Variants in TOM1L1 observed in about 807,000 individuals in gnomAD.
TOM1L1 encodes the protein target of myb1 like 1 membrane trafficking protein.
TOM1L1 carries 64 observed loss-of-function variants against 63.4 expected under a neutral mutation model. The observed-to-expected ratio is 1.01, with a 90% confidence interval of 0.83 to 1.24. The LOEUF (loss-of-function observed/expected upper bound fraction) is 1.24. TOM1L1 is among the 50% of genes most tolerant of loss of function. The probability of loss-of-function intolerance (pLI) is 0.00; values close to 1 mark genes in which losing one functional copy is unlikely to be tolerated. For missense variants in TOM1L1, 536 were observed against 567.0 expected (o/e 0.95, Z 0.55); for synonymous variants, 166 against 194.4 (o/e 0.85, Z 1.22).
intron 4 of TOM1L1, 23 bp from the exon 5 acceptor site, chr17:54,913,725 C>G: frequency 6.7e-7 from 1 of 1,500,536 alleles, no homozygotes; most frequent in Non-Finnish European, 9.0e-7. Flanking sequence ...AACTCTGGAA[C>G]TTTTTTCATC....
intron 14 of TOM1L1, 22 bp from the exon 15 acceptor site, chr17:54,960,544 T>C: frequency 6.2e-7 from 1 of 1,606,120 alleles, no homozygotes; most frequent in Non-Finnish European, 8.5e-7. Flanking sequence ...ATAACCCTTT[T>C]GCTGTGATGG....
At chr17:54,911,851 A>T (rs550420078) in intron 3 of TOM1L1, among the ~76,000 whole-genome samples, 2 of 152,234 alleles carry the variant, frequency 1.3e-5, no homozygotes, top group East Asian at 3.9e-4. Context: ...TACAGGTGTG[A>T]TGGTGACAAA....
At chr17:54,943,865 C>G (rs1197151749) in intron 11 of TOM1L1, among the ~76,000 whole-genome samples, 9 of 151,876 alleles carry the variant, frequency 5.9e-5, no homozygotes, top group Non-Finnish European at 1.3e-4. Flanking sequence ...GTAATCCCAG[C>G]TACTCAGAGA....
At chr17:54,914,004 A>G in intron 5 of TOM1L1, 131 bp downstream of exon 5, 1 of 990,240 alleles carries the variant, frequency 1.0e-6, no homozygotes, top group Non-Finnish European at 1.4e-6. Flanking sequence ...ATATTGCAAT[A>G]TCTCATAGAA....
chr17:54,914,002 A>C, intron 5 of TOM1L1, 129 bp downstream of exon 5: 2 of 1,075,420 alleles, frequency 1.9e-6, no homozygotes, highest in Non-Finnish European at 2.5e-6. Context: ...GGATATTGCA[A>C]TATCTCATAG....
At chr17:54,943,999 C>CATAA (rs1302281547) in intron 11 of TOM1L1, among the ~76,000 whole-genome samples, 3 of 137,072 alleles carry the variant, frequency 2.2e-5, no homozygotes, top group African/African-American at 5.6e-5. Flanking sequence ...TAAATAAATA[C>CATAA]ATAAATAAAT....
chr17:54,949,478 T>C (rs1298895641), intron 12 of TOM1L1, 40 bp from the exon 13 acceptor site: 4 of 1,476,066 alleles, frequency 2.7e-6, no homozygotes, highest in Admixed American at 1.7e-5. Flanking sequence ...AAAAGCTTAA[T>C]GTAGAACGTT....
chr17:54,901,491 G>A lies in TOM1L1; in HGVS notation c.58+568G>A, dbSNP rs117194750. Among the ~76,000 whole-genome samples, 1,363 of 152,214 alleles carry A rather than the reference G, an allele frequency of 9.0e-3. 12 individuals carry two copies. The highest frequency in any genetic ancestry group is 0.025 in the East Asian group (131 of 5,160). On this transcript the variant is annotated intron_variant, in intron 1 of 15. Coordinates refer to ENST00000575882, the MANE Select transcript of TOM1L1 (RefSeq NM_005486.3). ...GAGGGGAACATAGGAGCCATCTGGG[G>A]CCACGGAGGTCTCTCGCAGGCCACT...
In TOM1L1 at chr17:54,936,666, A is replaced by G. The variant is rs771626423; in HGVS notation, c.872A>G (p.Gln291Arg). Residue 291 changes from glutamine to arginine, a missense_variant, in exon 9 of 16, where the codon CAA becomes CGA. Gln to Arg is a conservative substitution (Grantham distance 43, BLOSUM62 1). Transcript: ENST00000575882. ...TTAAACAGGTTTACTAGAAACCAAC[A>G]AAGGATTTTGGAGCAAAATAAGAAC... Reference protein sequence around the residue: ...LGYERFTRNQQRILEQNKNQK... With the variant: ...LGYERFTRNQRRILEQNKNQK... 1.2e-6 allele frequency: 2 copies of G among 1,607,510 alleles called. No homozygotes were observed. The highest frequency in any genetic ancestry group is 1.7e-5 in the Admixed American group (1 of 57,940).
chr17:54,927,117 C>G (rs2048781871), intron 7 of TOM1L1, among the ~76,000 whole-genome samples: 2 of 152,146 alleles, frequency 1.3e-5, no homozygotes, highest in Non-Finnish European at 2.9e-5. Flanking sequence ...AGGAAAGAGA[C>G]TATATGAGCA....
chr17:54,931,980 T>G lies in TOM1L1; in HGVS notation c.854+1774T>G, dbSNP rs193072738. On this transcript the variant is annotated intron_variant, in intron 8 of 15. Coordinates refer to ENST00000575882, the MANE Select transcript of TOM1L1 (RefSeq NM_005486.3). The stretch of plus-strand genomic sequence containing the variant: ...TTTTTGTTTGTTTGTTTGTTTGTTT[T>G]TTTGAGATGGAGTGCTTAGGCTGGA... Among the ~76,000 whole-genome samples, 464 of 145,268 alleles carry G rather than the reference T, an allele frequency of 3.2e-3. 5 individuals are homozygous for G. The highest frequency in any genetic ancestry group is 0.011 in the African/African-American group (426 of 39,488).
chr17:54,960,697 AT>A, intron 15 of TOM1L1, 70 bp downstream of exon 15: 1 of 1,225,736 alleles, frequency 8.2e-7, no homozygotes, highest in Non-Finnish European at 1.2e-6. Context: ...CACTTTACAT[AT>A]TTAGTATTTA....
At chr17:54,915,651 C>A in intron 6 of TOM1L1, 95 bp from the exon 7 acceptor site, 2 of 806,392 alleles carry the variant, frequency 2.5e-6, no homozygotes, top group Non-Finnish European at 3.7e-6. Flanking sequence ...TTTGCAAAAG[C>A]ATTTTTTCAT....
intron 3 of TOM1L1, among the ~76,000 whole-genome samples, chr17:54,908,480 T>C (rs957511457): frequency 4.6e-5 from 7 of 152,240 alleles, no homozygotes; most frequent in Admixed American, 2.0e-4. Context: ...AGTTTACCAG[T>C]AAACTCTTTA....
intron 15 of TOM1L1, 133 bp downstream of exon 15, chr17:54,960,760 A>G: frequency 1.5e-6 from 1 of 669,494 alleles, no homozygotes; most frequent in East Asian, 2.7e-5. Flanking sequence ...AGTTCCCCTG[A>G]ATCATTCAAA....
At chr17:54,941,361 A>G (rs1161870312) in intron 11 of TOM1L1, among the ~76,000 whole-genome samples, 1 of 152,208 alleles carries the variant, frequency 6.6e-6, no homozygotes, top group Non-Finnish European at 1.5e-5. Flanking sequence ...GGAAGAAAAA[A>G]GAGCAAAATA....
At chr17:54,920,435 A>G (rs996736735) in intron 7 of TOM1L1, among the ~76,000 whole-genome samples, 7 of 152,216 alleles carry the variant, frequency 4.6e-5, no homozygotes, top group African/African-American at 1.7e-4. Flanking sequence ...GACAGAAGAA[A>G]TATGAAAATA....
Position 54,903,694 on chromosome 17 carries a change from C to CT in TOM1L1, c.59-9dup, listed in dbSNP as rs2048363493. On this transcript the variant is annotated splice_polypyrimidine_tract_variant and intron_variant, in intron 1 of 15. Coordinates refer to ENST00000575882, the MANE Select transcript of TOM1L1 (RefSeq NM_005486.3). ...TTCTGTTGTAGCTCAGACTCAACAGCTTTTTCTTGGCAGAAAAGGCTACAT... is the reference window on the plus strand; with the variant it reads ...TTCTGTTGTAGCTCAGACTCAACAGCTTTTTTCTTGGCAGAAAAGGCTACAT... 1.9e-6 allele frequency: 3 copies of CT among 1,612,962 alleles called. No homozygotes were observed. Among genetic ancestry groups the CT allele is most frequent in the Admixed American group, 1.7e-5 (1 of 60,006 alleles).
chr17:54,958,883 TAGA>T (rs2077032380), intron 14 of TOM1L1, among the ~76,000 whole-genome samples: 1 of 152,026 alleles, frequency 6.6e-6, no homozygotes, highest in South Asian at 2.1e-4. Context: ...GGATCTGGCA[TAGA>T]AGGAGAGGTT....
Sources: gnomAD v4.1 joint callset for allele counts (sites outside exome capture counted in the v4.1 genomes callset) on GRCh38, gnomAD v4.1.1 for gene constraint, MANE v1.5 for transcripts, NCBI Gene and HGNC (gene_info 2026-07-23, HGNC 2026-07-21) for gene names.